Variants in SLC35F1 observed in about 807,000 individuals in gnomAD.
The protein encoded by SLC35F1 is solute carrier family 35 member F1.
A neutral mutation model predicts 48.7 loss-of-function variants in SLC35F1; 14 were observed. That is an observed-to-expected ratio of 0.29 (90% confidence interval 0.19 to 0.45). The LOEUF (loss-of-function observed/expected upper bound fraction) is 0.45, where lower values mean the gene tolerates loss of function less well. Among genes scored for constraint, SLC35F1 ranks in the 20% least tolerant of loss-of-function variants. The pLI, the probability that SLC35F1 is intolerant of heterozygous loss-of-function variation, is 1.00. For synonymous variants in SLC35F1, 190 were observed against 202.2 expected, an observed-to-expected ratio of 0.94 and a Z score of 0.51; for missense variants, 404 against 500.0, an observed-to-expected ratio of 0.81 and a Z score of 1.83.
At chr6:118,245,793 G>A (rs1775499850) in intron 3 of SLC35F1, among the ~76,000 whole-genome samples, 1 of 152,154 alleles carries the variant, frequency 6.6e-6, no homozygotes, top group Non-Finnish European at 1.5e-5. Flanking sequence ...GTTCTCTGAT[G>A]TGGCTTCCTC....
intron 1 of SLC35F1, among the ~76,000 whole-genome samples, chr6:117,929,123 A>G (rs954578382): frequency 1.3e-5 from 2 of 151,946 alleles, no homozygotes; most frequent in Non-Finnish European, 1.5e-5. Context: ...CCTTTTGACC[A>G]ACTCTTCTTT....
chr6:118,030,441 A>G (rs878858668), intron 1 of SLC35F1, among the ~76,000 whole-genome samples: 1 of 152,232 alleles, frequency 6.6e-6, no homozygotes, highest in Non-Finnish European at 1.5e-5. Flanking sequence ...TGGTCAGAGT[A>G]GTTTCTCATC....
rs141802559 is a variant in SLC35F1, at chr6:118,314,152, C to A, written c.1127C>A (p.Pro376His). ...AAGCAGTTCCGCAATCCTTCAGGAC[C>A]TGTTGTGGACTTACCGACCACAGCT... ...VYKQFRNPSG[P>H]VVDLPTTAQV... is the part of the protein sequence containing the mutation. Residue 376 changes from proline (P) to histidine (H), a missense_variant, in exon 8 of 8, where the codon CCT becomes CAT. By Grantham distance (77) the Pro-to-His change is moderately conservative. Around this residue, in one of 2 missense-constraint regions of SLC35F1, gnomAD observed 306 missense variants for 419.1 expected, o/e 0.73. Transcript: ENST00000360388. The A allele has an allele frequency of 5.5e-4, 882 of 1,614,174 alleles. 3 individuals are homozygous for A. The highest frequency in any genetic ancestry group is 8.3e-4 in the Admixed American group (50 of 60,026).
intron 2 of SLC35F1, among the ~76,000 whole-genome samples, chr6:118,202,634 T>C (rs903948722): frequency 7.2e-5 from 11 of 152,238 alleles, no homozygotes; most frequent in African/African-American, 2.4e-4. Flanking sequence ...CACACATTCT[T>C]CTAAACACCA....
At chr6:118,061,967 TG>T (rs752236334) in intron 1 of SLC35F1, among the ~76,000 whole-genome samples, 56 of 152,274 alleles carry the variant, frequency 3.7e-4, no homozygotes, top group Non-Finnish European at 6.9e-4. Flanking sequence ...GGCCACGGAC[TG>T]GTACCGGTCT....
chr6:118,193,045 A>C (rs1774752269), intron 2 of SLC35F1, among the ~76,000 whole-genome samples: 1 of 152,184 alleles, frequency 6.6e-6, no homozygotes, highest in African/African-American at 2.4e-5. Flanking sequence ...TTTCCAAAAA[A>C]TTTGTCTTTT....
Position 118,297,654 on chromosome 6 carries a change from A to T in SLC35F1, c.1002+12316A>T, listed in dbSNP as rs13203721. On this transcript the variant is annotated intron_variant, in intron 7 of 7. Coordinates refer to ENST00000360388, the MANE Select transcript of SLC35F1 (RefSeq NM_001029858.4). ...TATATATATAAAAAATATATATATA[A>T]TATATATAATATTATATAAGTTCTG... 3.3e-3 allele frequency among the ~76,000 whole-genome samples: 103 copies of T among 30,930 alleles called. 4 individuals carry two copies. The highest frequency in any genetic ancestry group is 0.02 in the African/African-American group (98 of 4,898). 20.3% of individuals were successfully genotyped at this position (30,930 alleles called of 152,430 possible). A position where few individuals can be genotyped will look rare whatever the true frequency, so the allele number is the denominator to read the frequency against.
At chr6:118,004,316 C>T (rs899998195) in intron 1 of SLC35F1, among the ~76,000 whole-genome samples, 13 of 152,068 alleles carry the variant, frequency 8.5e-5, no homozygotes, top group African/African-American at 2.4e-4. Context: ...TCCACAAAAA[C>T]GTTTGGGGTT....
At chr6:118,284,015 T>C (rs898086900) in intron 6 of SLC35F1, among the ~76,000 whole-genome samples, 3 of 152,236 alleles carry the variant, frequency 2.0e-5, no homozygotes, top group Non-Finnish European at 4.4e-5. Flanking sequence ...TACTTACTTA[T>C]GTTCAGAATA....
intron 7 of SLC35F1, among the ~76,000 whole-genome samples, chr6:118,305,183 G>A (rs1013203516): frequency 2.0e-5 from 3 of 150,500 alleles, no homozygotes; most frequent in East Asian, 2.0e-4. Flanking sequence ...AAGACCCAGC[G>A]GGATAGAAAT....
intron 1 of SLC35F1, among the ~76,000 whole-genome samples, chr6:117,908,579 G>C (rs1185196709): frequency 2.0e-5 from 3 of 152,234 alleles, no homozygotes; most frequent in Non-Finnish European, 4.4e-5. Flanking sequence ...CGCCCATGCC[G>C]GAGGGGGCGG....
At chr6:118,311,526 A>C (rs1202337546) in intron 7 of SLC35F1, among the ~76,000 whole-genome samples, 1 of 152,254 alleles carries the variant, frequency 6.6e-6, no homozygotes, top group Non-Finnish European at 1.5e-5. Context: ...GCGATGGCCC[A>C]CGCCTGTAAT....
intron 7 of SLC35F1, among the ~76,000 whole-genome samples, chr6:118,297,788 AT>A (rs1776210698): frequency 6.9e-6 from 1 of 145,606 alleles, no homozygotes; most frequent in African/African-American, 2.6e-5. Context: ...ACACACATAT[AT>A]TTTTTTTCAG....
At chr6:118,205,103 G>C (rs957579601) in intron 2 of SLC35F1, among the ~76,000 whole-genome samples, 5 of 152,184 alleles carry the variant, frequency 3.3e-5, no homozygotes, top group Admixed American at 3.3e-4. Context: ...TCCTGATGCA[G>C]CTCTGCCTGC....
At chr6:118,014,600 T>G (rs899401622) in intron 1 of SLC35F1, among the ~76,000 whole-genome samples, 8 of 152,170 alleles carry the variant, frequency 5.3e-5, no homozygotes, top group Admixed American at 5.2e-4. Flanking sequence ...GGTGTGGTCA[T>G]GACAGGAGGC....
At chr6:118,143,191 C>T (rs1236090122) in intron 1 of SLC35F1, among the ~76,000 whole-genome samples, 3 of 152,020 alleles carry the variant, frequency 2.0e-5, no homozygotes, top group African/African-American at 7.3e-5. Flanking sequence ...AGTGAGTCAC[C>T]GATCCACTTG....
At position 118,275,206 on chromosome 6, in the gene SLC35F1, G is replaced by C. The variant is rs116384832; in HGVS notation, c.638-253G>C. Among the ~76,000 whole-genome samples the C allele has an allele frequency of 5.2e-3, 787 of 152,280 alleles. 7 individuals carry two copies. Among genetic ancestry groups the C allele is most frequent in the African/African-American group, 0.018 (746 of 41,560 alleles). ...GACAGAAGATAGTGGGCTTTGTAGAGAGGGTGTGATCTGGAAGAGACTGAT... is the reference window on the plus strand; with the variant it reads ...GACAGAAGATAGTGGGCTTTGTAGACAGGGTGTGATCTGGAAGAGACTGAT... On this transcript the variant is annotated intron_variant, in intron 4 of 7. Coordinates refer to ENST00000360388, the MANE Select transcript of SLC35F1 (RefSeq NM_001029858.4).
intron 2 of SLC35F1, among the ~76,000 whole-genome samples, chr6:118,192,905 A>G (rs1774750534): frequency 6.6e-6 from 1 of 152,146 alleles, no homozygotes; most frequent in Non-Finnish European, 1.5e-5. Context: ...AATATATTAA[A>G]GGTTTGAAAC....
intron 2 of SLC35F1, among the ~76,000 whole-genome samples, chr6:118,186,612 A>G (rs892849667): frequency 7.2e-5 from 11 of 152,166 alleles, no homozygotes; most frequent in African/African-American, 2.4e-4. Context: ...CCCAATTTTC[A>G]AATAACAAAT....
Sources: gnomAD v4.1 joint callset for allele counts (sites outside exome capture counted in the v4.1 genomes callset) on GRCh38, gnomAD v4.1.1 for gene constraint, gnomAD v4.1.1 regional missense constraint, MANE v1.5 for transcripts, NCBI Gene and HGNC (gene_info 2026-07-23, HGNC 2026-07-21) for gene names.